The following SORCS1 variants were observed in gnomAD, a reference collection of about 807,000 sequenced individuals.
SORCS1 encodes VPS10 domain-containing receptor SorCS1.
A neutral mutation model predicts 146.1 loss-of-function variants in SORCS1; 60 were observed. The observed-to-expected ratio is 0.41, with a 90% CI of 0.33 to 0.51. The LOEUF (loss-of-function observed/expected upper bound fraction) is 0.51. Ranked by LOEUF, SORCS1 falls within the 20% of genes least tolerant of loss-of-function variation. The pLI is 0.21. For synonymous variants in SORCS1, 637 were observed against 584.0 expected (o/e 1.09, Z -1.31); for missense variants, 1,352 against 1,487.6 (o/e 0.91, Z 1.50).
intron 1 of SORCS1, among the ~76,000 whole-genome samples, chr10:107,046,634 G>A (rs915656911): frequency 3.3e-5 from 5 of 152,132 alleles, no homozygotes; most frequent in Non-Finnish European, 5.9e-5. Flanking sequence ...GTACGTCAGA[G>A]GGTGGGAAAA....
At chr10:106,952,199 C>T (rs1049104626) in intron 2 of SORCS1, among the ~76,000 whole-genome samples, 2 of 152,128 alleles carry the variant, frequency 1.3e-5, no homozygotes, top group Non-Finnish European at 2.9e-5. Flanking sequence ...AGCTCTAGCA[C>T]CCGGTTAAAG....
intron 5 of SORCS1, among the ~76,000 whole-genome samples, chr10:106,759,270 C>T (rs868385945): frequency 7.9e-5 from 12 of 152,184 alleles, no homozygotes; most frequent in Admixed American, 2.6e-4. Context: ...AGAGGAGATA[C>T]TTTCACTGCC....
rs549230494 is a variant in SORCS1 at position 106,764,761 on chromosome 10, C to T, written c.886-3100G>A. On this transcript the variant is annotated intron_variant, in intron 4 of 25. Coordinates refer to ENST00000263054, the MANE Select transcript of SORCS1 (RefSeq NM_052918.5). ...ATTCTTGGCCGGGCGCGGTGGCTCA[C>T]GCCTGTAATCCCAGCACTTTGGGAG... is the stretch of plus-strand genomic sequence containing the variant. Among the ~76,000 whole-genome samples the T allele has an allele frequency of 4.6e-5, 7 of 152,226 alleles. No homozygotes were observed. The East Asian group carries it at 9.7e-4, about 21-fold the overall frequency.
rs199611713 is a variant in SORCS1, at chr10:106,776,614, G to A, written c.805C>T (p.Arg269Trp). The change falls in exon 4 of 26, where the codon CGG (arginine) becomes TGG (tryptophan). Residue 269 changes from arginine to tryptophan, a missense_variant. Physicochemically the swap from Arg to Trp is moderately radical, Grantham distance 101. Coordinates refer to ENST00000263054, the MANE Select transcript of SORCS1 (RefSeq NM_052918.5). The stretch of plus-strand genomic sequence containing the variant: ...AAGCTTTGAATGTAGAAGTTCAGCC[G>A]GTACTTTTGATAAGTTGCCCCTTCA... ...SDEGATYQKYRLNFYIQSLLF... is the reference protein window; with the variant it reads ...SDEGATYQKYWLNFYIQSLLF... The A allele has an allele frequency of 3.7e-6, 6 of 1,613,906 alleles. No homozygotes were observed. Among genetic ancestry groups the A allele is most frequent in the South Asian group, 1.1e-5 (1 of 91,072 alleles).
intron 14 of SORCS1, among the ~76,000 whole-genome samples, chr10:106,674,328 CAAAAAAAAAA>C (rs10658432): frequency 0.12 from 3,172 of 27,344 alleles, 158 homozygotes; most frequent in Middle Eastern, 0.2. Flanking sequence ...GACTCCGTCT[CAAAAAAAAAA>C]AAAAAAAAAA....
At chr10:106,915,051 G>A (rs1432158296) in intron 2 of SORCS1, among the ~76,000 whole-genome samples, 1 of 152,184 alleles carries the variant, frequency 6.6e-6, no homozygotes, top group African/African-American at 2.4e-5. Flanking sequence ...CATTAAGCAG[G>A]AGCACAGTGG....
intron 3 of SORCS1, among the ~76,000 whole-genome samples, chr10:106,787,937 C>G (rs116105407): frequency 6.6e-6 from 1 of 152,184 alleles, no homozygotes; most frequent in Admixed American, 6.5e-5. Flanking sequence ...GTTGTCTGAT[C>G]TTGATTCAAG....
At chr10:107,178,071 T>C in the SORCS1 span, among the ~76,000 whole-genome samples, 2 of 152,112 alleles carry the variant, frequency 1.3e-5, no homozygotes, top group African/African-American at 4.8e-5. Context: ...ATCTAGGTGA[T>C]GGGATGATCT....
intron 1 of SORCS1, among the ~76,000 whole-genome samples, chr10:106,991,550 C>G (rs1400369923): frequency 6.6e-6 from 1 of 152,194 alleles, no homozygotes; most frequent in Non-Finnish European, 1.5e-5. Flanking sequence ...TGCCTGTCAG[C>G]TTCACTGACA....
chr10:107,099,434 G>C (rs1964766342), intron 1 of SORCS1, among the ~76,000 whole-genome samples: 1 of 152,132 alleles, frequency 6.6e-6, no homozygotes, highest in Non-Finnish European at 1.5e-5. Flanking sequence ...CCCTAAAGGA[G>C]TGGTCTATGT....
chr10:106,581,345 A>ACT (rs1844899641), intron 24 of SORCS1, among the ~76,000 whole-genome samples: 1 of 151,816 alleles, frequency 6.6e-6, no homozygotes, highest in Admixed American at 6.6e-5. Context: ...ACACACACAC[A>ACT]CACACACACA....
intron 3 of SORCS1, 56 bp downstream of exon 3, chr10:106,829,518 A>G: frequency 7.2e-7 from 1 of 1,379,838 alleles, no homozygotes; most frequent in Non-Finnish European, 1.0e-6. Flanking sequence ...GTGGTTAGCC[A>G]ACCAAGACAG....
chr10:106,750,866 T>C (rs1405998656), intron 5 of SORCS1, among the ~76,000 whole-genome samples: 1 of 149,194 alleles, frequency 6.7e-6, no homozygotes, highest in Non-Finnish European at 1.5e-5. Flanking sequence ...GAGACCATCC[T>C]GGCTAACACG....
chr10:106,709,671 ATC>A (rs937778673), intron 6 of SORCS1, among the ~76,000 whole-genome samples: 1 of 151,970 alleles, frequency 6.6e-6, no homozygotes, highest in Non-Finnish European at 1.5e-5. Flanking sequence ...GATGGTCTCG[ATC>A]TCCTGACCTC....
At chr10:106,675,268 T>A in intron 13 of SORCS1, 112 bp from the exon 14 acceptor site, 2 of 762,144 alleles carry the variant, frequency 2.6e-6, no homozygotes, top group Non-Finnish European at 4.2e-6. Flanking sequence ...TAGCTGAGAT[T>A]TTGTCAAAAT....
chr10:107,112,350 T>A (rs1965754461), intron 1 of SORCS1, among the ~76,000 whole-genome samples: 1 of 152,012 alleles, frequency 6.6e-6, no homozygotes, highest in South Asian at 2.1e-4. Context: ...TTACGTATGT[T>A]CCATGGTAAG....
At chr10:106,759,020 TCAGG>T (rs1252199321) in intron 5 of SORCS1, among the ~76,000 whole-genome samples, 1 of 152,256 alleles carries the variant, frequency 6.6e-6, no homozygotes, top group African/African-American at 2.4e-5. Flanking sequence ...TCTAACTTTT[TCAGG>T]CAGTTTTGCT....
chr10:106,637,221 T>C (rs1160224093), intron 18 of SORCS1, among the ~76,000 whole-genome samples: 1 of 152,216 alleles, frequency 6.6e-6, no homozygotes, highest in Non-Finnish European at 1.5e-5. Context: ...CAGCTGCACA[T>C]GCCCTATCTT....
intron 3 of SORCS1, among the ~76,000 whole-genome samples, chr10:106,819,718 G>T (rs577958714): frequency 6.6e-6 from 1 of 152,060 alleles, no homozygotes; most frequent in Non-Finnish European, 1.5e-5. Flanking sequence ...TGGCAAAACC[G>T]ATTTCAACCA....
Sources: allele counts gnomAD v4.1 joint callset (sites outside exome capture counted in the v4.1 genomes callset), GRCh38; gene constraint gnomAD v4.1.1; transcripts MANE v1.5; gene names NCBI Gene and HGNC (gene_info 2026-07-23, HGNC 2026-07-21).